BEND6: variants seen among roughly 807,000 people sequenced by gnomAD.
The protein encoded by BEND6 is BEN domain-containing protein 6.
In BEND6, 24 loss-of-function variants were observed where a neutral mutation model predicts 31.8. That is an observed-to-expected ratio of 0.75 (90% CI 0.55 to 1.06). The LOEUF is 1.06. BEND6 is among the 50% of genes least tolerant of loss of function. BEND6 has a pLI of 0.00. For synonymous variants in BEND6, 109 were observed against 114.6 expected, an observed-to-expected ratio of 0.95 and a Z score of 0.31; for missense variants, 294 against 327.4, an observed-to-expected ratio of 0.90 and a Z score of 0.79.
At position 57,027,294 on chromosome 6, in the gene BEND6, T is replaced by C. The variant is rs1038544285; in HGVS notation, c.*1222T>C. On this transcript the variant is annotated 3_prime_UTR_variant, in exon 7 of 7. Transcript: ENST00000370746. ...AATGTTCTTAAGGAAACAACTTATG[T>C]AACATTTGCTACCTTTATGTAAACA... is the stretch of plus-strand genomic sequence containing the variant. 2 of 152,260 alleles carry C rather than the reference T, an allele frequency of 1.3e-5. No homozygotes were observed. Among genetic ancestry groups the C allele is most frequent in the African/African-American group, 2.4e-5 (1 of 41,474 alleles). 9.4% of individuals were successfully genotyped at this position (152,260 alleles called of 1,614,324 possible).
At chr6:56,982,072 T>A in intron 2 of BEND6, 142 bp downstream of exon 2, 2 of 1,077,158 alleles carry the variant, frequency 1.9e-6, no homozygotes, top group Admixed American at 3.0e-5. Flanking sequence ...AAATATAATC[T>A]TATGTTCTTT....
At chr6:56,995,370 T>C (rs571856531) in intron 3 of BEND6, among the ~76,000 whole-genome samples, 1 of 152,276 alleles carries the variant, frequency 6.6e-6, no homozygotes, top group Admixed American at 6.5e-5. Context: ...TGGATCCCAC[T>C]CCAATTAGAT....
chr6:57,015,500 C>T (rs1827520308), intron 4 of BEND6, 147 bp downstream of exon 4: 1 of 904,368 alleles, frequency 1.1e-6, no homozygotes, highest in South Asian at 1.8e-5. Flanking sequence ...TTAAGTACCA[C>T]AAAGAAGAGG....
intron 2 of BEND6, among the ~76,000 whole-genome samples, chr6:56,991,074 C>G (rs936294769): frequency 6.6e-6 from 1 of 152,006 alleles, no homozygotes; most frequent in Non-Finnish European, 1.5e-5. Flanking sequence ...AAATAATGAA[C>G]CATGATTATG....
At chr6:56,965,676 TTATA>T (rs35074783) in intron 1 of BEND6, among the ~76,000 whole-genome samples, 16,749 of 136,460 alleles carry the variant, frequency 0.12, 1,221 homozygotes, top group Middle Eastern at 0.19. Flanking sequence ...ACAAAAAAAT[TTATA>T]TATATATATA....
chr6:56,982,569 TTTTA>T (rs1421873510), intron 2 of BEND6, among the ~76,000 whole-genome samples: 2 of 152,170 alleles, frequency 1.3e-5, no homozygotes, highest in African/African-American at 4.8e-5. Context: ...TTCTGTATCT[TTTTA>T]TTTGTGTGTT....
chr6:57,000,812 A>G (rs1826907247), intron 3 of BEND6, among the ~76,000 whole-genome samples: 1 of 150,204 alleles, frequency 6.7e-6, no homozygotes, highest in South Asian at 2.1e-4. Flanking sequence ...ATGATGATTA[A>G]CCCACACTCC....
chr6:56,960,618 A>T (rs948711393), intron 1 of BEND6, among the ~76,000 whole-genome samples: 3 of 152,188 alleles, frequency 2.0e-5, no homozygotes, highest in African/African-American at 7.2e-5. Flanking sequence ...TTTGCATTAA[A>T]TATTTTGTGC....
At chr6:56,978,658 A>C (rs1484431648) in intron 1 of BEND6, among the ~76,000 whole-genome samples, 1 of 152,206 alleles carries the variant, frequency 6.6e-6, no homozygotes, top group Non-Finnish European at 1.5e-5. Context: ...GAATCTTTTC[A>C]TGGAACTTCA....
rs1827915803 is a variant in BEND6 at position 57,026,760 on chromosome 6, A to C, written c.*688A>C. 6.6e-6 allele frequency: 1 copy of C among 152,224 alleles called. No homozygotes were observed. The highest frequency in any genetic ancestry group is 1.5e-5 in the Non-Finnish European group (1 of 68,026). The allele number at this position is 152,224 out of a possible 1,614,324, so 9.4% of individuals were successfully genotyped here. On this transcript the variant is annotated 3_prime_UTR_variant, in exon 7 of 7. Coordinates refer to ENST00000370746, the MANE Select transcript of BEND6 (RefSeq NM_152731.3). ...ACCACACTTCTGAAGAATAAACCTA[A>C]GTTTTTGTGATTGTTAAAACAATGC...
At chr6:57,009,909 A>G (rs1231779519) in intron 3 of BEND6, 1 of 152,222 alleles carries the variant, frequency 6.6e-6, no homozygotes, top group Non-Finnish European at 1.5e-5. Flanking sequence ...GTATCCTGCC[A>G]TTACTATATG....
intron 2 of BEND6, among the ~76,000 whole-genome samples, chr6:56,987,997 A>G (rs1826344242): frequency 6.6e-6 from 1 of 150,824 alleles, no homozygotes; most frequent in Non-Finnish European, 1.5e-5. Context: ...GTAAATGTGA[A>G]TGCTTTTTTC....
chr6:56,960,159 G>C (rs1014787414), intron 1 of BEND6, among the ~76,000 whole-genome samples: 3 of 152,096 alleles, frequency 2.0e-5, no homozygotes, highest in African/African-American at 7.2e-5. Context: ...TGAGTCATTT[G>C]GCCAGAAAAT....
At chr6:56,975,900 C>A in intron 1 of BEND6, 1 of 530,136 alleles carries the variant, frequency 1.9e-6, no homozygotes. Flanking sequence ...TCAACAATAA[C>A]ATCATAAATT....
At chr6:56,966,097 G>T (rs71564871) in intron 1 of BEND6, among the ~76,000 whole-genome samples, 19,142 of 151,810 alleles carry the variant, frequency 0.13, 1,401 homozygotes, top group Middle Eastern at 0.2. Context: ...TTTGTTTTTT[G>T]TTTGTTTGTT....
intron 2 of BEND6, among the ~76,000 whole-genome samples, chr6:56,987,097 C>T (rs983916606): frequency 1.3e-5 from 2 of 151,872 alleles, no homozygotes; most frequent in Non-Finnish European, 2.9e-5. Context: ...CGTGCCTCAG[C>T]CTCCCAAGTA....
At chr6:57,025,155 G>A (rs921715518) in intron 6 of BEND6, among the ~76,000 whole-genome samples, 2 of 152,086 alleles carry the variant, frequency 1.3e-5, no homozygotes, top group African/African-American at 4.8e-5. Flanking sequence ...CCCTAAAACT[G>A]CTATTTTGAA....
At chr6:56,962,456 C>G (rs1235854646) in intron 1 of BEND6, among the ~76,000 whole-genome samples, 1 of 152,190 alleles carries the variant, frequency 6.6e-6, no homozygotes, top group Non-Finnish European at 1.5e-5. Context: ...CCTGACGTAT[C>G]CCGATCTCTC....
chr6:57,004,460 GCCT>G (rs1827075109), intron 3 of BEND6: 1 of 620,532 alleles, frequency 1.6e-6, no homozygotes, highest in East Asian at 3.2e-5. Context: ...GCCCTCCGCT[GCCT>G]CCTCACCGCG....
Sources: allele counts gnomAD v4.1 joint callset (sites outside exome capture counted in the v4.1 genomes callset), GRCh38; gene constraint gnomAD v4.1.1; transcripts MANE v1.5; gene names NCBI Gene and HGNC (gene_info 2026-07-23, HGNC 2026-07-21).